Variants in SHROOM3 observed in about 807,000 individuals in gnomAD.
SHROOM3 encodes shroom family member 3.
Under a neutral mutation model 138.6 loss-of-function variants are expected in SHROOM3, and 47 were observed. The ratio of observed to expected loss-of-function variants is 0.34; its 90% CI spans 0.27 to 0.43. The LOEUF is 0.43. SHROOM3 is among the 20% of genes least tolerant of loss of function. SHROOM3 has a pLI of 1.00. For synonymous variants in SHROOM3, 1,062 were observed against 1,063.3 expected (o/e 1.00, Z 0.02); for missense variants, 2,491 against 2,596.5 (o/e 0.96, Z 0.88).
rs192927051 is a variant in SHROOM3 at position 76,476,608 on chromosome 4, A to G, written c.168+40388A>G. Among the ~76,000 whole-genome samples the G allele has an allele frequency of 1.1e-3, 167 of 152,336 alleles. 1 individual carries two copies. Among genetic ancestry groups the G allele is most frequent in the Non-Finnish European group, 1.4e-3 (98 of 68,032 alleles). ...TACTTGGTTATCAGTTTTACTTACT[A>G]TCAAAAGATCTGACTGTATAACCTT... is the stretch of plus-strand genomic sequence containing the variant. On this transcript the variant is annotated intron_variant, in intron 1 of 10. Transcript: ENST00000296043.
intron 1 of SHROOM3, among the ~76,000 whole-genome samples, chr4:76,519,028 A>G (rs1198027536): frequency 6.6e-6 from 1 of 152,112 alleles, no homozygotes; most frequent in Non-Finnish European, 1.5e-5. Flanking sequence ...AAGCCTCAAG[A>G]TGCGGCATAG....
intron 2 of SHROOM3, among the ~76,000 whole-genome samples, chr4:76,589,624 T>A (rs1409819970): frequency 1.3e-5 from 2 of 152,158 alleles, no homozygotes; most frequent in African/African-American, 4.8e-5. Flanking sequence ...ACACTTGGTT[T>A]TTTCCAAGTA....
At chr4:76,544,840 C>A (rs1257743695) in intron 1 of SHROOM3, among the ~76,000 whole-genome samples, 1 of 152,216 alleles carries the variant, frequency 6.6e-6, no homozygotes, top group African/African-American at 2.4e-5. Context: ...GGAGCTGGTG[C>A]TAAACTGCAG....
At chr4:76,586,215 T>C (rs1393065716) in intron 2 of SHROOM3, 1 of 983,024 alleles carries the variant, frequency 1.0e-6, no homozygotes, top group East Asian at 1.1e-4. Flanking sequence ...AACTGCCTTT[T>C]GTGTTTGGCT....
chr4:76,754,193 G>T (rs941169511), intron 6 of SHROOM3, 118 bp from the exon 7 acceptor site: 33 of 1,329,436 alleles, frequency 2.5e-5, no homozygotes, highest in Admixed American at 2.2e-4. Flanking sequence ...GTTTCTGGGG[G>T]AAGGAAAAGA....
chr4:76,449,845 C>T (rs181400243), intron 1 of SHROOM3, among the ~76,000 whole-genome samples: 1 of 152,220 alleles, frequency 6.6e-6, no homozygotes, highest in East Asian at 1.9e-4. Context: ...GGCATTGTTC[C>T]TTCTTTTAGT....
rs112339264 is a variant in SHROOM3, at chr4:76,478,213, G to C, written c.168+41993G>C. On this transcript the variant is annotated intron_variant, in intron 1 of 10. Coordinates refer to ENST00000296043, the MANE Select transcript of SHROOM3 (RefSeq NM_020859.4). ...ATCCCACCCCCATGGAGCCCAGCAA[G>C]CTAAGATCCACTGGCTTGAAATTCT... 5.9e-3 allele frequency among the ~76,000 whole-genome samples: 893 copies of C among 152,350 alleles called. 7 individuals are homozygous for C. Among genetic ancestry groups the C allele is most frequent in the East Asian group, 0.042 (215 of 5,174 alleles).
rs1560604837 is a variant in SHROOM3 at position 76,731,794 on chromosome 4, ACAAAC to A, written c.587+860_587+864del. ...AGACTTCATCTCAAAAAAAAAACAA[ACAAAC>A]AAACAAACAGAAATTTAAGCTTGGA... On this transcript the variant is annotated intron_variant, in intron 4 of 10. Coordinates refer to ENST00000296043, the MANE Select transcript of SHROOM3 (RefSeq NM_020859.4). 1.6e-4 allele frequency among the ~76,000 whole-genome samples: 24 copies of A among 150,672 alleles called. No individual in the cohort carries two copies. The South Asian group carries it at 4.8e-3, about 30-fold the overall frequency.
chr4:76,646,225 A>AATAAATAAATAAATAAATATAT (rs61374645), intron 2 of SHROOM3, among the ~76,000 whole-genome samples: 3 of 96,232 alleles, frequency 3.1e-5, no homozygotes, highest in Non-Finnish European at 6.0e-5. Context: ...ATAATAAATA[A>AATAAATAAATAAATAAATATAT]ATATATATAT....
rs59975557 is a variant in SHROOM3 at position 76,579,012 on chromosome 4, A to T, written c.323+23249A>T. On this transcript the variant is annotated intron_variant, in intron 2 of 10. Transcript: ENST00000296043. ...AGACCCTGACTTTACAAAAAATTTTAAAAAATTTAAAAAAAAAATTAGCTG... is the reference window on the plus strand; with the variant it reads ...AGACCCTGACTTTACAAAAAATTTTTAAAAATTTAAAAAAAAAATTAGCTG... Among the ~76,000 whole-genome samples the T allele has an allele frequency of 3.2e-3, 492 of 152,210 alleles. 2 individuals carry two copies. The highest frequency in any genetic ancestry group is 0.011 in the African/African-American group (468 of 41,518).
chr4:76,774,912 G>A (rs1203880977), intron 10 of SHROOM3, among the ~76,000 whole-genome samples: 1 of 151,866 alleles, frequency 6.6e-6, no homozygotes, highest in Non-Finnish European at 1.5e-5. Flanking sequence ...GTATACTTAA[G>A]TGATCTTATT....
intron 1 of SHROOM3, among the ~76,000 whole-genome samples, chr4:76,518,663 GAGCTTATCT>G (rs1204505812): frequency 6.6e-6 from 1 of 152,042 alleles, no homozygotes; most frequent in African/African-American, 2.4e-5. Flanking sequence ...GGGTTCTACG[GAGCTTATCT>G]AACATATTTC....
chr4:76,581,040 A>G (rs1734043674), intron 2 of SHROOM3, among the ~76,000 whole-genome samples: 1 of 152,194 alleles, frequency 6.6e-6, no homozygotes. Flanking sequence ...ATGGATCATT[A>G]ATAATGCTAG....
Position 76,445,542 on chromosome 4 carries a change from G to A in SHROOM3, c.168+9322G>A, listed in dbSNP as rs558376072. On this transcript the variant is annotated intron_variant, in intron 1 of 10. Transcript: ENST00000296043. ...GACATGCAAAGAGGTTTATAAGTTG[G>A]GCTGAGGTAGGAGAGTCTTAGAAAG... 3.8e-4 allele frequency among the ~76,000 whole-genome samples: 58 copies of A among 152,210 alleles called. 1 individual carries two copies. The highest frequency in any genetic ancestry group is 1.3e-3 in the African/African-American group (55 of 41,516).
chr4:76,495,020 A>G (rs1731935014), intron 1 of SHROOM3, among the ~76,000 whole-genome samples: 1 of 152,264 alleles, frequency 6.6e-6, no homozygotes, highest in African/African-American at 2.4e-5. Context: ...GCTACTAAAA[A>G]GAAAATGATG....
chr4:76,571,531 C>T (rs1733832568), intron 2 of SHROOM3, among the ~76,000 whole-genome samples: 1 of 152,034 alleles, frequency 6.6e-6, no homozygotes. Flanking sequence ...GTTTACATGC[C>T]AATAAAAATA....
chr4:76,766,893 A>G (rs951589349), intron 9 of SHROOM3, among the ~76,000 whole-genome samples: 2 of 152,238 alleles, frequency 1.3e-5, no homozygotes, highest in Non-Finnish European at 2.9e-5. Flanking sequence ...ATGAGATATC[A>G]CATTAGAGCC....
At chr4:76,537,115 A>AAAT (rs1319664874) in intron 1 of SHROOM3, among the ~76,000 whole-genome samples, 2 of 152,134 alleles carry the variant, frequency 1.3e-5, no homozygotes, top group African/African-American at 2.4e-5. Flanking sequence ...TCCATCTCAA[A>AAAT]AATAATAATA....
intron 1 of SHROOM3, among the ~76,000 whole-genome samples, chr4:76,508,721 C>T (rs971893014): frequency 1.3e-5 from 2 of 152,256 alleles, no homozygotes; most frequent in South Asian, 4.1e-4. Context: ...TTTAAATTTT[C>T]TTTCAACAAT....
Sources: allele counts gnomAD v4.1 joint callset (sites outside exome capture counted in the v4.1 genomes callset), GRCh38; gene constraint gnomAD v4.1.1; transcripts MANE v1.5; gene names NCBI Gene and HGNC (gene_info 2026-07-23, HGNC 2026-07-21).